STS: variants seen among roughly 807,000 people sequenced by gnomAD.
STS encodes steroid sulfatase, also known as steryl-sulfatase.
STS carries 7 observed loss-of-function variants against 26.8 expected under a neutral mutation model. That is an observed-to-expected ratio of 0.26 (90% CI 0.15 to 0.49). The LOEUF (loss-of-function observed/expected upper bound fraction) is 0.49. STS is among the 20% of genes least tolerant of loss of function. The pLI is 0.98. For missense variants in STS, 434 were observed against 465.6 expected (o/e 0.93, Z 0.63); for synonymous variants, 199 against 189.4 (o/e 1.05, Z -0.42).
intron 2 of STS, among the ~76,000 whole-genome samples, chrX:7,203,991 C>A (rs776999030): frequency 9.0e-6 from 1 of 111,142 alleles, no homozygotes; most frequent in Non-Finnish European, 1.9e-5. Flanking sequence ...TGCCATCTTG[C>A]GCAGGCTGCT....
intron 8 of STS, among the ~76,000 whole-genome samples, chrX:7,308,573 C>A (rs1242081310): frequency 1.8e-5 from 2 of 111,432 alleles, no homozygotes; most frequent in Non-Finnish European, 3.8e-5. Flanking sequence ...TTTTATCATA[C>A]AACCCTGCAA....
intron 2 of STS, among the ~76,000 whole-genome samples, chrX:7,213,975 C>T (rs143661492): frequency 0.034 from 3,797 of 110,815 alleles, 121 homozygotes; most frequent in East Asian, 0.23. Context: ...CCCAGCTACT[C>T]AGGAGGCTGA....
At chrX:7,234,433 G>T (rs1016999069) in intron 2 of STS, among the ~76,000 whole-genome samples, 6 of 112,354 alleles carry the variant, frequency 5.3e-5, no homozygotes, top group African/African-American at 1.6e-4. Flanking sequence ...CGACATGCAA[G>T]GAAAGGGACT....
Position 7,320,000 on chromosome X carries a change from T to TTATATATA in STS, c.1082-5338_1082-5337insATATATAT, listed in dbSNP as rs1569224324. On this transcript the variant is annotated intron_variant, in intron 8 of 10. Transcript: ENST00000674429. The stretch of plus-strand genomic sequence containing the variant: ...TATGTATATATATTTATATATATAT[T>TTATATATA]TTTATATATATATTTATATATATTT... 1.5e-3 allele frequency among the ~76,000 whole-genome samples: 128 copies of TTATATATA among 87,617 alleles called. 2 individuals are homozygous for TTATATATA. Among genetic ancestry groups the TTATATATA allele is most frequent in the African/African-American group, 6.1e-3 (120 of 19,641 alleles). The allele number at this position is 87,617 out of a possible 115,157, so 76.1% of individuals were successfully genotyped here.
intron 6 of STS, among the ~76,000 whole-genome samples, chrX:7,265,695 G>A (rs1399039279): frequency 8.9e-6 from 1 of 111,986 alleles, no homozygotes; most frequent in Non-Finnish European, 1.9e-5. Context: ...AGCACTCACA[G>A]CATGGTTAAT....
At chrX:7,158,952 T>C (rs1243084005) in intron 1 of STS, among the ~76,000 whole-genome samples, 1 of 111,650 alleles carries the variant, frequency 9.0e-6, no homozygotes, top group Admixed American at 9.5e-5. Flanking sequence ...AAAATACTTT[T>C]CAGGTTTCAG....
At chrX:7,201,460 AT>A (rs200227780) in intron 2 of STS, among the ~76,000 whole-genome samples, 1 of 109,153 alleles carries the variant, frequency 9.2e-6, no homozygotes, top group South Asian at 4.0e-4. Context: ...TAACTTTTTA[AT>A]TTTTTTTTGG....
intron 1 of STS, among the ~76,000 whole-genome samples, chrX:7,184,533 G>C (rs1275533441): frequency 8.9e-6 from 1 of 112,187 alleles, no homozygotes; most frequent in Non-Finnish European, 1.9e-5. Flanking sequence ...CATGTATAGA[G>C]TGACACTTTG....
chrX:7,200,237 A>C, intron 2 of STS, among the ~76,000 whole-genome samples: 1 of 111,336 alleles, frequency 9.0e-6, no homozygotes, highest in Non-Finnish European at 1.9e-5. Context: ...CAAATTTGTT[A>C]TAAGGAATAT....
intron 10 of STS, among the ~76,000 whole-genome samples, chrX:7,343,852 C>T (rs764195585): frequency 2.7e-5 from 3 of 112,368 alleles, no homozygotes; most frequent in East Asian, 5.6e-4. Flanking sequence ...ACATTGCTAT[C>T]ATCCTAGAAC....
At chrX:7,287,583 C>G (rs767946648) in intron 7 of STS, among the ~76,000 whole-genome samples, 18 of 111,232 alleles carry the variant, frequency 1.6e-4, no homozygotes, top group Non-Finnish European at 3.0e-4. Flanking sequence ...TTCACCATTT[C>G]GATTTTCATT....
chrX:7,259,673 A>G lies in STS; in HGVS notation c.707A>G (p.Asn236Ser), dbSNP rs1923632320. Residue 236 changes from asparagine to serine, a missense_variant, in exon 6 of 11, where the codon AAC (asparagine) becomes AGC (serine). Asn to Ser is a conservative substitution (Grantham distance 46, BLOSUM62 1). Coordinates refer to ENST00000674429, the MANE Select transcript of STS (RefSeq NM_001320752.2). ...TTCCTTCATTACTTCCGGCCCCTGA[A>G]CTGCTTCATGATGAGGAACTACGAG... The part of the protein sequence containing the change: ...LGFLHYFRPL[N>S]CFMMRNYEII... The G allele has an allele frequency of 8.3e-7, 1 of 1,208,451 alleles. No individual in the cohort carries two copies. The highest frequency in any genetic ancestry group is 1.8e-5 in the African/African-American group (1 of 56,681).
intron 2 of STS, among the ~76,000 whole-genome samples, chrX:7,238,919 T>TA (rs1449056411): frequency 1.8e-5 from 2 of 111,389 alleles, no homozygotes; most frequent in Non-Finnish European, 3.8e-5. Flanking sequence ...GTGTCTTCAC[T>TA]AAGTGAAGAC....
intron 2 of STS, among the ~76,000 whole-genome samples, chrX:7,193,626 T>A (rs1463898853): frequency 9.0e-6 from 1 of 111,452 alleles, no homozygotes; most frequent in Non-Finnish European, 1.9e-5. Context: ...TTCCTAATGT[T>A]CTCAGATAAA....
rs192241814 is a variant in STS, at chrX:7,328,194, C to T, written c.1241+2696C>T. ...AGTGTTCAGCCAATCTCATTTATTA[C>T]GTTTGTCTCTCATCACCCATAATGT... On this transcript the variant is annotated intron_variant, in intron 9 of 10. Coordinates refer to ENST00000674429, the MANE Select transcript of STS (RefSeq NM_001320752.2). Among the ~76,000 whole-genome samples, 5 of 111,951 alleles carry T rather than the reference C, an allele frequency of 4.5e-5. No individual in the cohort carries two copies. In the East Asian group the frequency reaches 1.1e-3, roughly 25 times the overall value.
chrX:7,190,804 A>G (rs1381071049), intron 1 of STS, among the ~76,000 whole-genome samples, 76 bp from the exon 2 acceptor site: 1 of 110,366 alleles, frequency 9.1e-6, no homozygotes, highest in East Asian at 2.8e-4. Context: ...AATAAATAAA[A>G]GAGCACATGT....
chrX:7,288,247 G>C (rs769421111), intron 7 of STS, among the ~76,000 whole-genome samples: 1 of 108,333 alleles, frequency 9.2e-6, no homozygotes, highest in Non-Finnish European at 1.9e-5. Flanking sequence ...CTTGTAATTG[G>C]AAGATTTTTT....
chrX:7,320,671 T>C (rs1022869269), intron 8 of STS, among the ~76,000 whole-genome samples: 10 of 111,897 alleles, frequency 8.9e-5, no homozygotes, highest in Non-Finnish European at 1.7e-4. Flanking sequence ...CACGTTGAGA[T>C]TCCTCCCAAA....
At chrX:7,262,714 C>G (rs1923808309) in intron 6 of STS, among the ~76,000 whole-genome samples, 1 of 111,609 alleles carries the variant, frequency 9.0e-6, no homozygotes. Flanking sequence ...AGAGAAAGGG[C>G]AGACTCTGCA....
Sources: allele counts gnomAD v4.1 joint callset (sites outside exome capture counted in the v4.1 genomes callset), GRCh38; gene constraint gnomAD v4.1.1; transcripts MANE v1.5; gene names NCBI Gene and HGNC (gene_info 2026-07-23, HGNC 2026-07-21).